Variants in AKT3 observed in about 807,000 individuals in gnomAD.
AKT3 encodes AKT serine/threonine kinase 3.
In AKT3, 15 loss-of-function variants were observed where a neutral mutation model predicts 65.3. The observed-to-expected ratio is 0.23, with a 90% CI of 0.15 to 0.35. AKT3 has a LOEUF of 0.35. AKT3 is among the 10% of genes least tolerant of loss of function. The probability of loss-of-function intolerance (pLI) is 1.00; values close to 1 mark genes in which losing one functional copy is unlikely to be tolerated. For missense variants in AKT3, 243 were observed against 576.5 expected, an observed-to-expected ratio of 0.42 and a Z score of 5.92; for synonymous variants, 206 against 183.8, an observed-to-expected ratio of 1.12 and a Z score of -0.98.
chr1:243,653,516 T>A (rs1196321994), intron 4 of AKT3, among the ~76,000 whole-genome samples: 1 of 152,220 alleles, frequency 6.6e-6, no homozygotes, highest in Non-Finnish European at 1.5e-5. Flanking sequence ...ATTATCCTGA[T>A]AAGAATATGT....
intron 8 of AKT3, among the ~76,000 whole-genome samples, chr1:243,582,994 A>C (rs929545218): frequency 6.6e-6 from 1 of 150,614 alleles, no homozygotes; most frequent in African/African-American, 2.4e-5. Flanking sequence ...TCAAACTAAC[A>C]GCAGTTAAAA....
intron 3 of AKT3, among the ~76,000 whole-genome samples, chr1:243,686,650 T>TATATATATATATATATATA (rs1558719596): frequency 5.9e-4 from 19 of 32,450 alleles, no homozygotes; most frequent in African/African-American, 1.9e-3. Flanking sequence ...TATATATATA[T>TATATATATATATATATATA]ATTTTTTTTT....
intron 6 of AKT3, among the ~76,000 whole-genome samples, chr1:243,632,705 A>G (rs969464431): frequency 1.3e-5 from 2 of 152,244 alleles, no homozygotes; most frequent in African/African-American, 4.8e-5. Flanking sequence ...GGTTTCGTGT[A>G]GTCATCTTCA....
chr1:243,846,296 T>C (rs1295641583), intron 1 of AKT3, among the ~76,000 whole-genome samples: 1 of 152,138 alleles, frequency 6.6e-6, no homozygotes, highest in Non-Finnish European at 1.5e-5. Flanking sequence ...CCTCCTAAAA[T>C]CTGTCTTGGG....
chr1:243,499,615 A>G (rs1669000398), downstream of AKT3: 1 of 731,664 alleles, frequency 1.4e-6, no homozygotes, highest in South Asian at 1.5e-5. Flanking sequence ...AACTTTTCAT[A>G]TAATTTCCAC....
At chr1:243,773,592 C>T (rs1690341483) in intron 2 of AKT3, among the ~76,000 whole-genome samples, 1 of 151,888 alleles carries the variant, frequency 6.6e-6, no homozygotes, top group Non-Finnish European at 1.5e-5. Context: ...GTGACTGTGC[C>T]CCAGCCTGGG....
intron 6 of AKT3, among the ~76,000 whole-genome samples, chr1:243,630,551 T>C (rs1037125862): frequency 3.3e-5 from 5 of 152,194 alleles, no homozygotes; most frequent in African/African-American, 1.2e-4. Context: ...CTGTAACTAA[T>C]CCTCAGTAAT....
intron 6 of AKT3, among the ~76,000 whole-genome samples, chr1:243,628,322 G>C (rs993310834): frequency 1.3e-5 from 2 of 151,356 alleles, no homozygotes; most frequent in Non-Finnish European, 2.9e-5. Flanking sequence ...TTTTGAGACA[G>C]GGTCTCACTT....
At chr1:243,806,876 T>C (rs1229182490) in intron 2 of AKT3, among the ~76,000 whole-genome samples, 1 of 152,184 alleles carries the variant, frequency 6.6e-6, no homozygotes, top group Non-Finnish European at 1.5e-5. Flanking sequence ...CTTTCAGTGG[T>C]AGTAATGCAT....
rs758107182 is a variant in AKT3, at chr1:243,671,364, G to A, written c.173-6481C>T. ...CAAAGCGCTGGGATTACAGGCGTGA[G>A]CCACTGCATCCGGCCAGATTCCATT... On this transcript the variant is annotated intron_variant, in intron 3 of 13. Coordinates refer to ENST00000673466, the MANE Select transcript of AKT3 (RefSeq NM_005465.7). 1.0e-3 allele frequency among the ~76,000 whole-genome samples: 153 copies of A among 152,192 alleles called. 1 individual carries two copies. Among genetic ancestry groups the A allele is most frequent in the Non-Finnish European group, 3.8e-4 (26 of 68,046 alleles).
At chr1:243,561,003 T>C (rs1428104716) in intron 10 of AKT3, among the ~76,000 whole-genome samples, 1 of 152,056 alleles carries the variant, frequency 6.6e-6, no homozygotes, top group Non-Finnish European at 1.5e-5. Context: ...TTCTAGAAAA[T>C]ATTTTATTTG....
chr1:243,519,650 A>G (rs1670587077), intron 12 of AKT3, among the ~76,000 whole-genome samples: 1 of 152,174 alleles, frequency 6.6e-6, no homozygotes. Flanking sequence ...GTCCTCCTCC[A>G]CCAAGATAAT....
chr1:243,601,643 C>G (rs116988079), intron 8 of AKT3, among the ~76,000 whole-genome samples: 6 of 152,056 alleles, frequency 3.9e-5, no homozygotes. Context: ...TTCTAATAGG[C>G]CCAAAATGTA....
intron 5 of AKT3, among the ~76,000 whole-genome samples, chr1:243,643,060 G>A (rs969892937): frequency 6.6e-6 from 1 of 152,176 alleles, no homozygotes; most frequent in African/African-American, 2.4e-5. Flanking sequence ...ACGGGAAGAG[G>A]TGGAGCTAAT....
rs142049017 is a variant in AKT3 at position 243,774,488 on chromosome 1, T to C, written c.46+68637A>G. The stretch of plus-strand genomic sequence containing the variant: ...CAGAGACTGTCTCTCTATAATTGTT[T>C]GTATTTTTTCTCTCAAGTTTGATTT... On this transcript the variant is annotated intron_variant, in intron 2 of 13. Coordinates refer to ENST00000673466, the MANE Select transcript of AKT3 (RefSeq NM_005465.7). Among the ~76,000 whole-genome samples the C allele has an allele frequency of 5.4e-3, 822 of 152,350 alleles. 3 individuals carry two copies. Among genetic ancestry groups the C allele is most frequent in the Middle Eastern group, 0.01 (3 of 294 alleles).
intron 2 of AKT3, among the ~76,000 whole-genome samples, chr1:243,773,343 A>G (rs922603549): frequency 1.3e-5 from 2 of 152,106 alleles, no homozygotes; most frequent in Non-Finnish European, 2.9e-5. Context: ...TAAAATGACT[A>G]TGAAATACTG....
chr1:243,496,573 G>C (rs1667962759), downstream of AKT3, among the ~76,000 whole-genome samples: 1 of 152,240 alleles, frequency 6.6e-6, no homozygotes, highest in Admixed American at 6.5e-5. Context: ...GTTACCTTCA[G>C]AAGGGTTGGC....
chr1:243,630,093 C>T (rs1679490995), intron 6 of AKT3, among the ~76,000 whole-genome samples: 1 of 152,080 alleles, frequency 6.6e-6, no homozygotes, highest in Non-Finnish European at 1.5e-5. Flanking sequence ...TTTGCATACC[C>T]AATGGTAGAT....
chr1:243,681,404 T>C (rs1683909593), intron 3 of AKT3, among the ~76,000 whole-genome samples: 1 of 152,138 alleles, frequency 6.6e-6, no homozygotes, highest in Non-Finnish European at 1.5e-5. Flanking sequence ...ACTTTAGAGA[T>C]CCTTCACTCT....
Sources: gnomAD v4.1 joint callset for allele counts (sites outside exome capture counted in the v4.1 genomes callset) on GRCh38, gnomAD v4.1.1 for gene constraint, MANE v1.5 for transcripts, NCBI Gene and HGNC (gene_info 2026-07-23, HGNC 2026-07-21) for gene names.